The following ZMAT4 variants were observed in gnomAD, a reference collection of about 807,000 sequenced individuals.
ZMAT4 encodes zinc finger matrin-type 4, also known as zinc finger matrin-type protein 4.
In ZMAT4, 17 loss-of-function variants were observed where a neutral mutation model predicts 28.7. That is an observed-to-expected ratio of 0.59 (90% confidence interval 0.41 to 0.89). The LOEUF (loss-of-function observed/expected upper bound fraction) is 0.89. Ranked by LOEUF, ZMAT4 falls within the 40% of genes least tolerant of loss-of-function variation. ZMAT4 has a pLI of 0.00. For missense variants in ZMAT4, 240 were observed against 283.8 expected (o/e 0.85, Z 1.11); for synonymous variants, 117 against 109.2 (o/e 1.07, Z -0.44).
intron 5 of ZMAT4, among the ~76,000 whole-genome samples, chr8:40,611,337 T>C (rs1805787038): frequency 6.6e-6 from 1 of 152,116 alleles, no homozygotes; most frequent in Non-Finnish European, 1.5e-5. Context: ...CTGTAGAATA[T>C]ATCTGATATC....
chr8:40,627,100 C>T (rs1806407171), intron 5 of ZMAT4, among the ~76,000 whole-genome samples: 2 of 152,132 alleles, frequency 1.3e-5, no homozygotes, highest in African/African-American at 2.4e-5. Context: ...CTAGCAGATA[C>T]TCAGCAAATG....
intron 5 of ZMAT4, among the ~76,000 whole-genome samples, chr8:40,618,475 G>A (rs926305916): frequency 3.9e-5 from 6 of 152,052 alleles, no homozygotes; most frequent in Non-Finnish European, 7.4e-5. Context: ...AAAATACAAC[G>A]GTGGTTTCAA....
At chr8:40,722,908 C>A (rs1304756756) in intron 3 of ZMAT4, among the ~76,000 whole-genome samples, 1 of 152,148 alleles carries the variant, frequency 6.6e-6, no homozygotes, top group African/African-American at 2.4e-5. Context: ...CATACAAATT[C>A]TCAACACAAG....
chr8:40,611,875 A>C (rs748978107), intron 5 of ZMAT4, among the ~76,000 whole-genome samples: 1 of 152,218 alleles, frequency 6.6e-6, no homozygotes, highest in African/African-American at 2.4e-5. Flanking sequence ...TTTTCATTTC[A>C]CAGAAAAAAT....
chr8:40,603,832 G>T (rs910466134), intron 5 of ZMAT4, among the ~76,000 whole-genome samples: 1 of 151,970 alleles, frequency 6.6e-6, no homozygotes, highest in Non-Finnish European at 1.5e-5. Context: ...GGGTTTTACT[G>T]TGTTAGCCAG....
chr8:40,555,192 T>C (rs933523263), intron 6 of ZMAT4, among the ~76,000 whole-genome samples: 1 of 152,172 alleles, frequency 6.6e-6, no homozygotes, highest in African/African-American at 2.4e-5. Flanking sequence ...GTGTATATAC[T>C]ACATTTTCTT....
At chr8:40,566,217 A>G (rs1384537647) in intron 6 of ZMAT4, among the ~76,000 whole-genome samples, 2 of 152,114 alleles carry the variant, frequency 1.3e-5, no homozygotes, top group African/African-American at 4.8e-5. Context: ...CATCCACAGA[A>G]ATAAACTCTC....
chr8:40,748,263 G>T (rs1392734014), intron 3 of ZMAT4, among the ~76,000 whole-genome samples: 2 of 152,178 alleles, frequency 1.3e-5, no homozygotes, highest in African/African-American at 2.4e-5. Context: ...TTGCTATACG[G>T]AGTCACAGAT....
intron 1 of ZMAT4, among the ~76,000 whole-genome samples, chr8:40,876,117 A>T (rs1334008336): frequency 6.6e-6 from 1 of 152,112 alleles, no homozygotes; most frequent in Non-Finnish European, 1.5e-5. Context: ...GGAAAGAAAT[A>T]CAGTTGACCT....
chr8:40,880,680 A>G (rs527378699), intron 1 of ZMAT4, among the ~76,000 whole-genome samples: 1 of 152,282 alleles, frequency 6.6e-6, no homozygotes, highest in Admixed American at 6.5e-5. Context: ...AACTTGCAGA[A>G]GGCCAAACCT....
At chr8:40,871,306 T>G (rs1302345526) in intron 1 of ZMAT4, among the ~76,000 whole-genome samples, 1 of 152,194 alleles carries the variant, frequency 6.6e-6, no homozygotes, top group Non-Finnish European at 1.5e-5. Flanking sequence ...CCTTTCCACT[T>G]TTCATTTCAC....
intron 1 of ZMAT4, among the ~76,000 whole-genome samples, chr8:40,887,500 A>C (rs1036206627): frequency 1.3e-5 from 2 of 152,054 alleles, no homozygotes; most frequent in African/African-American, 4.8e-5. Context: ...GAAAAAAAAA[A>C]AAAAAGTATG....
At chr8:40,647,372 T>A (rs991634254) in intron 5 of ZMAT4, among the ~76,000 whole-genome samples, 1 of 152,214 alleles carries the variant, frequency 6.6e-6, no homozygotes, top group Admixed American at 6.5e-5. Context: ...TCTGACGGGC[T>A]TAAAACACGG....
intron 2 of ZMAT4, among the ~76,000 whole-genome samples, chr8:40,798,925 G>T (rs1429716684): frequency 6.6e-6 from 1 of 152,098 alleles, no homozygotes; most frequent in African/African-American, 2.4e-5. Flanking sequence ...TTTCAGGCCA[G>T]TCCCCTCAAT....
At chr8:40,556,473 T>C (rs1379870314) in intron 6 of ZMAT4, among the ~76,000 whole-genome samples, 1 of 152,142 alleles carries the variant, frequency 6.6e-6, no homozygotes, top group Non-Finnish European at 1.5e-5. Flanking sequence ...CTCATCCCTC[T>C]CTCCAACTTA....
intron 1 of ZMAT4, among the ~76,000 whole-genome samples, chr8:40,862,060 C>A (rs1281700381): frequency 1.3e-5 from 2 of 152,142 alleles, no homozygotes; most frequent in Admixed American, 6.5e-5. Context: ...CCCAGCCATC[C>A]CATTACTGGG....
At chr8:40,881,787 T>G (rs1002899367) in intron 1 of ZMAT4, among the ~76,000 whole-genome samples, 17 of 152,140 alleles carry the variant, frequency 1.1e-4, no homozygotes, top group Non-Finnish European at 2.1e-4. Context: ...GTTGATTGTA[T>G]TTTTTCCATA....
chr8:40,833,657 C>T lies in ZMAT4; in HGVS notation c.-4-7977G>A, dbSNP rs192581420. 2.0e-5 allele frequency among the ~76,000 whole-genome samples: 3 copies of T among 152,140 alleles called. No individual in the cohort carries two copies. The East Asian group carries it at 5.8e-4, about 29-fold the overall frequency. On this transcript the variant is annotated intron_variant, in intron 1 of 6. Transcript: ENST00000297737. Reference sequence around the variant, plus strand: ...AGGGGAAGACGTCTGACCCCCACTCCCGGGACCACCGGCTCCAGCACACAC... The same window carrying T: ...AGGGGAAGACGTCTGACCCCCACTCTCGGGACCACCGGCTCCAGCACACAC...
At chr8:40,610,990 T>G (rs1274962446) in intron 5 of ZMAT4, among the ~76,000 whole-genome samples, 1 of 151,840 alleles carries the variant, frequency 6.6e-6, no homozygotes, top group Non-Finnish European at 1.5e-5. Context: ...AATACACAAT[T>G]ATCATCTCCA....
Sources: gnomAD v4.1 joint callset for allele counts (sites outside exome capture counted in the v4.1 genomes callset) on GRCh38, gnomAD v4.1.1 for gene constraint, MANE v1.5 for transcripts, NCBI Gene and HGNC (gene_info 2026-07-23, HGNC 2026-07-21) for gene names.